Variants in SMG6 observed in about 807,000 individuals in gnomAD.
SMG6 encodes the protein SMG6 nonsense mediated mRNA decay factor, also known as telomerase-binding protein EST1A.
Under a neutral mutation model 142.2 loss-of-function variants are expected in SMG6, and 66 were observed. That is an observed-to-expected ratio of 0.46 (90% CI 0.38 to 0.57). The LOEUF is 0.57. Among genes scored for constraint, SMG6 ranks in the 20% least tolerant of loss-of-function variants. The pLI is 0.00. For synonymous variants in SMG6, 779 were observed against 702.4 expected (o/e 1.11, Z -1.72); for missense variants, 1,793 against 1,832.0 (o/e 0.98, Z 0.39).
intron 13 of SMG6, among the ~76,000 whole-genome samples, chr17:2,161,265 T>C (rs942159986): frequency 2.0e-5 from 3 of 151,896 alleles, no homozygotes; most frequent in Non-Finnish European, 2.9e-5. Context: ...TCACCAAGCC[T>C]GGCTAATTTT....
At chr17:2,073,326 C>G (rs1371362853) in intron 15 of SMG6, among the ~76,000 whole-genome samples, 1 of 151,934 alleles carries the variant, frequency 6.6e-6, no homozygotes, top group Non-Finnish European at 1.5e-5. Flanking sequence ...TCAGGTGATC[C>G]GCCCGCCTCG....
Position 2,068,686 on chromosome 17 carries a change from G to T in SMG6, c.3835+92C>A. 1 of 1,364,460 alleles carries T rather than the reference G, an allele frequency of 7.3e-7. No homozygotes were observed. Among genetic ancestry groups the T allele is most frequent in the Non-Finnish European group, 1.0e-6 (1 of 992,394 alleles). The allele number at this position is 1,364,460 out of a possible 1,614,324, so 84.5% of individuals were successfully genotyped here. Reference sequence around the variant, plus strand: ...TCCCATCTTACACACGCACAGCAGGGCTCTGCCTGCCTGGCCCCCAGGCCG... The same window carrying T: ...TCCCATCTTACACACGCACAGCAGGTCTCTGCCTGCCTGGCCCCCAGGCCG... On this transcript the variant is annotated intron_variant, in intron 16 of 18. Coordinates refer to ENST00000263073, the MANE Select transcript of SMG6 (RefSeq NM_017575.5). This position sits in a 1 kb window ranked among gnomAD's most constrained non-coding sequence, Gnocchi z 6.7.
chr17:2,085,667 C>A lies in SMG6; in HGVS notation c.3534+58G>T. ...TAAGCAGGAGGAAAAGCTGAAGCCA[C>A]GAGCAGAATGGGGAGGGGGCCTTCC... On this transcript the variant is annotated intron_variant, in intron 14 of 18. Coordinates refer to ENST00000263073, the MANE Select transcript of SMG6 (RefSeq NM_017575.5). The surrounding 1 kb of genome is among the most constrained non-coding windows in gnomAD (Gnocchi z 4.1). 1.3e-6 allele frequency: 2 copies of A among 1,526,608 alleles called. No individual in the cohort carries two copies. The highest frequency in any genetic ancestry group is 1.8e-6 in the Non-Finnish European group (2 of 1,124,230). 94.6% of individuals were successfully genotyped at this position (1,526,608 alleles called of 1,614,324 possible). A position where few individuals can be genotyped will look rare whatever the true frequency, so the allele number is the denominator to read the frequency against.
At chr17:2,225,417 T>C (rs2073288616) in intron 10 of SMG6, among the ~76,000 whole-genome samples, 1 of 151,588 alleles carries the variant, frequency 6.6e-6, no homozygotes, top group Non-Finnish European at 1.5e-5. Context: ...GTACAAAAAC[T>C]GCTTGAACCT....
chr17:2,171,242 C>T (rs1160363499), intron 13 of SMG6, among the ~76,000 whole-genome samples: 1 of 151,656 alleles, frequency 6.6e-6, no homozygotes, highest in Non-Finnish European at 1.5e-5. Context: ...CCACCATACT[C>T]CAGCCTGGGC....
chr17:2,258,008 C>T (rs1182928300), intron 8 of SMG6, among the ~76,000 whole-genome samples: 6 of 26,658 alleles, frequency 2.3e-4, no homozygotes, highest in Admixed American at 9.6e-4. Context: ...GACTCTGTCG[C>T]AAAAAAAAAA....
chr17:2,184,793 C>A (rs537081533), intron 12 of SMG6, among the ~76,000 whole-genome samples: 1 of 150,210 alleles, frequency 6.7e-6, no homozygotes, highest in Non-Finnish European at 1.5e-5. Context: ...GGTAAAACCC[C>A]GTCTCTATTA....
intron 13 of SMG6, among the ~76,000 whole-genome samples, chr17:2,167,280 A>G (rs1050783082): frequency 2.6e-5 from 4 of 152,188 alleles, no homozygotes; most frequent in African/African-American, 9.7e-5. Context: ...AGTAGAATCA[A>G]TGCTATAAAA....
At chr17:2,251,320 T>C (rs1257636677) in intron 8 of SMG6, among the ~76,000 whole-genome samples, 1 of 149,946 alleles carries the variant, frequency 6.7e-6, no homozygotes, top group Non-Finnish European at 1.5e-5. Context: ...AAATGCCTCG[T>C]AGGAAGATGT....
chr17:2,167,139 A>AG (rs2071365600), intron 13 of SMG6, among the ~76,000 whole-genome samples: 1 of 145,770 alleles, frequency 6.9e-6, no homozygotes, highest in Admixed American at 6.8e-5. Context: ...CTCAAAAAAA[A>AG]AAAAAAAAAA....
intron 9 of SMG6, among the ~76,000 whole-genome samples, chr17:2,237,853 G>A (rs867348091): frequency 1.3e-5 from 2 of 152,180 alleles, no homozygotes; most frequent in Non-Finnish European, 2.9e-5. Flanking sequence ...AGGCACATGG[G>A]CCTTAGGGTT....
chr17:2,280,470 G>A (rs2074760466), intron 8 of SMG6: 1 of 349,454 alleles, frequency 2.9e-6, no homozygotes, highest in African/African-American at 2.2e-5. Context: ...TCACCATGTT[G>A]GCCAGGCTGG....
intron 13 of SMG6, among the ~76,000 whole-genome samples, chr17:2,160,417 C>G (rs1170220980): frequency 6.6e-6 from 1 of 152,146 alleles, no homozygotes; most frequent in African/African-American, 2.4e-5. Flanking sequence ...CAGGGTTTCA[C>G]CATACTGCCC....
chr17:2,093,428 G>T (rs1371690409), intron 13 of SMG6, among the ~76,000 whole-genome samples: 1 of 150,194 alleles, frequency 6.7e-6, no homozygotes, highest in Non-Finnish European at 1.5e-5. Context: ...GACTCAAAAA[G>T]AAAAAAAAAG....
intron 10 of SMG6, among the ~76,000 whole-genome samples, chr17:2,194,659 G>A (rs1037153823): frequency 6.8e-6 from 1 of 148,038 alleles, no homozygotes; most frequent in Admixed American, 6.9e-5. Context: ...AGACCAGCCT[G>A]AGCAACAGAG....
chr17:2,239,596 A>C (rs951781376), intron 9 of SMG6, among the ~76,000 whole-genome samples: 8 of 152,214 alleles, frequency 5.3e-5, no homozygotes, highest in African/African-American at 1.9e-4. Context: ...ATGTAGGAAA[A>C]AAATTGAAAA....
At chr17:2,081,279 C>T (rs138786328) in intron 15 of SMG6, among the ~76,000 whole-genome samples, 16 of 152,154 alleles carry the variant, frequency 1.1e-4, no homozygotes, top group South Asian at 4.2e-4. Context: ...GGCACAGGCC[C>T]GTGAGAGGGC....
chr17:2,141,611 T>TA (rs1475944925), intron 13 of SMG6, among the ~76,000 whole-genome samples: 2 of 152,128 alleles, frequency 1.3e-5, no homozygotes, highest in Non-Finnish European at 2.9e-5. Flanking sequence ...CGCTAATTTT[T>TA]AAAAAATTTT....
intron 13 of SMG6, among the ~76,000 whole-genome samples, chr17:2,130,324 A>G (rs1209997840): frequency 1.3e-5 from 2 of 151,500 alleles, no homozygotes; most frequent in Non-Finnish European, 2.9e-5. Context: ...AGTTAACTAG[A>G]AAATATGATA....
Sources: allele counts gnomAD v4.1 joint callset (sites outside exome capture counted in the v4.1 genomes callset), GRCh38; gene constraint gnomAD v4.1.1; non-coding constraint Gnocchi (gnomAD v3.1); transcripts MANE v1.5; gene names NCBI Gene and HGNC (gene_info 2026-07-23, HGNC 2026-07-21).